The following OLFM3 variants were observed in gnomAD, a reference collection of about 807,000 sequenced individuals.
OLFM3 encodes olfactomedin 3.
A neutral mutation model predicts 48.6 loss-of-function variants in OLFM3; 20 were observed. The observed-to-expected ratio is 0.41, with a 90% CI of 0.29 to 0.60. OLFM3 has a LOEUF of 0.60. Among genes scored for constraint, OLFM3 ranks in the 20% least tolerant of loss-of-function variants. The pLI is 0.28. For synonymous variants in OLFM3, 222 were observed against 198.1 expected (o/e 1.12, Z -1.01); for missense variants, 437 against 544.3 (o/e 0.80, Z 1.96).
intron 1 of OLFM3, among the ~76,000 whole-genome samples, chr1:101,911,740 C>A (rs1344047662): frequency 6.6e-6 from 1 of 152,118 alleles, no homozygotes; most frequent in Admixed American, 6.5e-5. Context: ...CAGGCTAAAC[C>A]AGACTAAGAA....
chr1:101,841,743 G>A (rs574958260), intron 1 of OLFM3, among the ~76,000 whole-genome samples: 4 of 152,282 alleles, frequency 2.6e-5, no homozygotes, highest in African/African-American at 9.6e-5. Context: ...TCAACTGATC[G>A]AATATTGCTA....
chr1:101,805,230 T>TAAA lies in OLFM3; in HGVS notation c.700-316_700-315insTTT, dbSNP rs1553168744. Among the ~76,000 whole-genome samples, 507 of 151,492 alleles carry TAAA rather than the reference T, an allele frequency of 3.3e-3. 1 individual carries two copies. Among genetic ancestry groups the TAAA allele is most frequent in the African/African-American group, 0.012 (490 of 41,386 alleles). ...GAACCAATCATATGTCAATGCAAAT[T>TAAA]ACACCTGATAAATAATGCCATCAGT... On this transcript the variant is annotated intron_variant, in intron 5 of 5. Transcript: ENST00000370103.
intron 3 of OLFM3, among the ~76,000 whole-genome samples, chr1:101,828,252 G>C (rs1480440820): frequency 6.6e-6 from 1 of 152,066 alleles, no homozygotes; most frequent in Non-Finnish European, 1.5e-5. Context: ...TACACTCTTT[G>C]TGCTCCAGTT....
intron 1 of OLFM3, among the ~76,000 whole-genome samples, chr1:101,872,156 G>C (rs1297080359): frequency 1.3e-5 from 2 of 152,032 alleles, no homozygotes; most frequent in Non-Finnish European, 2.9e-5. Context: ...TTACAGATAA[G>C]TTCAGAGATG....
chr1:101,922,188 A>T (rs12127130), intron 1 of OLFM3, among the ~76,000 whole-genome samples: 53,423 of 152,062 alleles, frequency 0.35, 9,486 homozygotes, highest in African/African-American at 0.41. Flanking sequence ...AAAGTTACTT[A>T]GTGCTTTTGT....
In OLFM3 at chr1:101,920,849, G is replaced by A. The variant is rs377413886; in HGVS notation, c.69+75899C>T. Among the ~76,000 whole-genome samples, 68 of 152,254 alleles carry A rather than the reference G, an allele frequency of 4.5e-4. 1 individual carries two copies. The highest frequency in any genetic ancestry group is 1.5e-3 in the African/African-American group (64 of 41,554). On this transcript the variant is annotated intron_variant, in intron 1 of 5. Transcript: ENST00000370103. Reference sequence around the variant, plus strand: ...AGCAACCAGGCAGGTCCTGCTTTTCGTTTGTTTGTTTTATATGTGTATTGA... The same window carrying A: ...AGCAACCAGGCAGGTCCTGCTTTTCATTTGTTTGTTTTATATGTGTATTGA...
At chr1:101,849,021 C>A (rs1016287485) in intron 1 of OLFM3, among the ~76,000 whole-genome samples, 1 of 152,108 alleles carries the variant, frequency 6.6e-6, no homozygotes, top group Non-Finnish European at 1.5e-5. Flanking sequence ...AAATGGAATG[C>A]TTCTTGTAAT....
chr1:101,806,301 C>T (rs1016344583), intron 4 of OLFM3, 119 bp from the exon 5 acceptor site: 2 of 709,132 alleles, frequency 2.8e-6, no homozygotes, highest in Admixed American at 2.3e-5. Flanking sequence ...GAATTAATAT[C>T]ACATTTCTGA....
intron 1 of OLFM3, among the ~76,000 whole-genome samples, chr1:101,852,833 T>G (rs1376805978): frequency 6.6e-6 from 1 of 152,150 alleles, no homozygotes; most frequent in Non-Finnish European, 1.5e-5. Context: ...AATCTTAATG[T>G]CTTTTCCTCC....
intron 1 of OLFM3, among the ~76,000 whole-genome samples, chr1:101,947,986 G>A (rs1311728824): frequency 1.3e-5 from 2 of 152,136 alleles, no homozygotes; most frequent in African/African-American, 4.8e-5. Context: ...TGCCACCAGT[G>A]TGTTTGGGAA....
At chr1:101,950,775 G>A (rs1327752540) in intron 1 of OLFM3, among the ~76,000 whole-genome samples, 1 of 151,992 alleles carries the variant, frequency 6.6e-6, no homozygotes, top group Non-Finnish European at 1.5e-5. Flanking sequence ...TACTATCTCT[G>A]TCTACTAGTA....
intron 1 of OLFM3, among the ~76,000 whole-genome samples, chr1:101,976,872 A>G (rs1255512742): frequency 1.3e-5 from 2 of 152,166 alleles, no homozygotes; most frequent in African/African-American, 4.8e-5. Flanking sequence ...TTCTTAACAC[A>G]TACATTAATA....
chr1:101,986,521 G>A (rs1383129230), intron 1 of OLFM3, among the ~76,000 whole-genome samples: 2 of 152,058 alleles, frequency 1.3e-5, no homozygotes, highest in African/African-American at 2.4e-5. Flanking sequence ...GATTTTCTCT[G>A]ATTTGGTATG....
chr1:101,873,911 T>C (rs1223369259), intron 1 of OLFM3, among the ~76,000 whole-genome samples: 1 of 151,904 alleles, frequency 6.6e-6, no homozygotes, highest in Non-Finnish European at 1.5e-5. Context: ...CTCCAAAAAT[T>C]TACATTTTAT....
At chr1:101,850,149 A>ATCTC (rs36105103) in intron 1 of OLFM3, among the ~76,000 whole-genome samples, 80,774 of 151,480 alleles carry the variant, frequency 0.53, 22,363 homozygotes, top group African/African-American at 0.67. Flanking sequence ...ACAAACCAAA[A>ATCTC]TCTATCACTA....
chr1:101,899,158 T>C (rs75424015), intron 1 of OLFM3, among the ~76,000 whole-genome samples: 5,179 of 152,244 alleles, frequency 0.034, 120 homozygotes, highest in African/African-American at 0.049. Flanking sequence ...TGTGATCATA[T>C]CTGAAGGTTC....
intron 2 of OLFM3, among the ~76,000 whole-genome samples, chr1:101,832,010 C>A (rs950153442): frequency 6.6e-6 from 1 of 152,180 alleles, no homozygotes; most frequent in African/African-American, 2.4e-5. Context: ...TCAAAAAATT[C>A]TCCTGTCTCA....
At position 101,825,067 on chromosome 1, in the gene OLFM3, AGCACTCTTTGGT is replaced by A; in HGVS notation, c.539_550del (p.His180_Val183del). On this transcript the variant is annotated inframe_deletion, in exon 4 of 6. Coordinates refer to ENST00000370103, the MANE Select transcript of OLFM3 (RefSeq NM_058170.4). The stretch of plus-strand genomic sequence containing the variant: ...GTCACGAAGTCTTGTTTCCAAGCTC[AGCACTCTTTGGT>A]GTAGTTCCTCGTAGTCATAGGCACC... The A allele has an allele frequency of 6.2e-7, 1 of 1,614,106 alleles. No individual in the cohort carries two copies.
chr1:101,983,780 A>G (rs1661163391), intron 1 of OLFM3, among the ~76,000 whole-genome samples: 1 of 152,248 alleles, frequency 6.6e-6, no homozygotes, highest in Non-Finnish European at 1.5e-5. Flanking sequence ...ATTGCACATG[A>G]AAGAGGAAAC....
Sources: allele counts gnomAD v4.1 joint callset (sites outside exome capture counted in the v4.1 genomes callset), GRCh38; gene constraint gnomAD v4.1.1; transcripts MANE v1.5; gene names NCBI Gene and HGNC (gene_info 2026-07-23, HGNC 2026-07-21).